PHF21B: variants seen among roughly 807,000 people sequenced by gnomAD.
PHF21B encodes PHD finger protein 21B.
Under a neutral mutation model 62.2 loss-of-function variants are expected in PHF21B, and 22 were observed. The observed-to-expected ratio is 0.35, with a 90% CI of 0.25 to 0.51. The LOEUF is 0.51. Ranked by LOEUF, PHF21B falls within the 20% of genes least tolerant of loss-of-function variation. PHF21B has a pLI of 0.97. For missense variants in PHF21B, 701 were observed against 707.9 expected, an observed-to-expected ratio of 0.99 and a Z score of 0.11; for synonymous variants, 341 against 314.7, an observed-to-expected ratio of 1.08 and a Z score of -0.88.
chr22:44,926,845 CG>C (rs1319574461), intron 2 of PHF21B, among the ~76,000 whole-genome samples: 2 of 152,046 alleles, frequency 1.3e-5, no homozygotes, highest in East Asian at 1.9e-4. Flanking sequence ...CCATGTGGGC[CG>C]GGAGTGACCG....
intron 5 of PHF21B, among the ~76,000 whole-genome samples, chr22:44,910,801 C>T (rs2071331598): frequency 1.3e-5 from 2 of 152,162 alleles, no homozygotes; most frequent in Admixed American, 1.3e-4. Flanking sequence ...TGGGATGTTG[C>T]TGAAAAGATA....
At chr22:44,955,139 T>C (rs2072270610) in intron 2 of PHF21B, among the ~76,000 whole-genome samples, 1 of 152,118 alleles carries the variant, frequency 6.6e-6, no homozygotes, top group Non-Finnish European at 1.5e-5. Context: ...ATGCTGTGTC[T>C]CCCAGAGTCC....
chr22:44,896,623 TTAA>T (rs1569213103), intron 5 of PHF21B, among the ~76,000 whole-genome samples: 3 of 152,226 alleles, frequency 2.0e-5, no homozygotes, highest in Non-Finnish European at 4.4e-5. Context: ...TTCATTTTAT[TTAA>T]TAATAAATTG....
chr22:44,974,252 T>C (rs1183967280), intron 2 of PHF21B, among the ~76,000 whole-genome samples: 2 of 151,788 alleles, frequency 1.3e-5, no homozygotes, highest in South Asian at 2.1e-4. Context: ...CTGTCTCTAC[T>C]AAAATATAAA....
chr22:44,959,008 C>T (rs563423610), intron 2 of PHF21B, among the ~76,000 whole-genome samples: 33 of 152,012 alleles, frequency 2.2e-4, no homozygotes, highest in Admixed American at 1.7e-3. Context: ...TGGCCGGCCC[C>T]GCTGGAGCGC....
Position 44,920,482 on chromosome 22 carries a change from T to C in PHF21B, c.129A>G (p.Gly43=), listed in dbSNP as rs1198680371. Residue 43 remains glycine (G), a synonymous_variant, in exon 3 of 13, where the codon GGA becomes GGG. Coordinates refer to ENST00000313237, the MANE Select transcript of PHF21B (RefSeq NM_138415.5). ...CCGTGACAGGCACTGCAGTGATCGTTCCCAAAGCCTGAAACATACAGGAGG... is the reference window on the plus strand; with the variant it reads ...CCGTGACAGGCACTGCAGTGATCGTCCCCAAAGCCTGAAACATACAGGAGG... ...IAALSDKQAL[G]TITAVPVTGP... 6.2e-7 allele frequency: 1 copy of C among 1,610,492 alleles called. No individual in the cohort carries two copies.
At chr22:44,990,914 C>T (rs914246486) in intron 2 of PHF21B, among the ~76,000 whole-genome samples, 3 of 152,162 alleles carry the variant, frequency 2.0e-5, no homozygotes, top group African/African-American at 4.8e-5. Context: ...AGGCAGGAGT[C>T]GCTAACTGCG....
At chr22:44,933,750 CAGAGAGACAG>C (rs1569237719) in intron 2 of PHF21B, among the ~76,000 whole-genome samples, 4 of 151,848 alleles carry the variant, frequency 2.6e-5, no homozygotes, top group Non-Finnish European at 5.9e-5. Flanking sequence ...GACAGACAGA[CAGAGAGACAG>C]AGACAGAGAG....
At chr22:44,942,819 G>A (rs1476778201) in intron 2 of PHF21B, among the ~76,000 whole-genome samples, 2 of 152,182 alleles carry the variant, frequency 1.3e-5, no homozygotes, top group Admixed American at 1.3e-4. Flanking sequence ...TGGTTCAGCA[G>A]CAAACCCTTG....
chr22:44,997,240 G>A (rs970579091), intron 2 of PHF21B, among the ~76,000 whole-genome samples: 1 of 152,166 alleles, frequency 6.6e-6, no homozygotes, highest in African/African-American at 2.4e-5. Flanking sequence ...GCTCCTGCTT[G>A]GAGATGGCAG....
chr22:44,930,121 G>A (rs765617864), intron 2 of PHF21B, among the ~76,000 whole-genome samples: 8 of 152,228 alleles, frequency 5.3e-5, no homozygotes, highest in Admixed American at 2.0e-4. Context: ...GAGCACCTGC[G>A]TCTGCGCACA....
Position 44,885,936 on chromosome 22 carries a change from G to C in PHF21B, c.1200C>G (p.Ala400=). 1 of 1,614,002 alleles carries C rather than the reference G, an allele frequency of 6.2e-7. No homozygotes were observed. Among genetic ancestry groups the C allele is most frequent in the Admixed American group, 1.7e-5 (1 of 60,006 alleles). The change falls in exon 11 of 13, where the codon GCC becomes GCG. Residue 400 remains alanine (A), a splice_region_variant and synonymous_variant. Coordinates refer to ENST00000313237, the MANE Select transcript of PHF21B (RefSeq NM_138415.5). ...VWVCPRCQQK[A]LKKDEGVPWT... Reference sequence around the variant, plus strand: ...AGGGCACACCCTCGTCTTTCTTTAAGGCCTGGGGAGCAGACGGGGAGATGA... The same window carrying C: ...AGGGCACACCCTCGTCTTTCTTTAACGCCTGGGGAGCAGACGGGGAGATGA...
chr22:44,945,110 G>A (rs2072040570), intron 2 of PHF21B, among the ~76,000 whole-genome samples: 1 of 152,216 alleles, frequency 6.6e-6, no homozygotes, highest in Non-Finnish European at 1.5e-5. Context: ...TGAAAACGAG[G>A]TTTGCTTCTC....
intron 2 of PHF21B, among the ~76,000 whole-genome samples, chr22:44,967,422 C>T (rs955845683): frequency 6.6e-6 from 1 of 152,032 alleles, no homozygotes; most frequent in Non-Finnish European, 1.5e-5. Flanking sequence ...GGGGTTTCAC[C>T]GTGTTAGCCA....
rs144043506 is a variant in PHF21B, at chr22:44,916,500, G to A, written c.344C>T (p.Thr115Ile). Residue 115 changes from threonine to isoleucine, a missense_variant, in exon 4 of 13, where the codon ACC becomes ATC. Transcript: ENST00000313237. ...CACATGGCTGACAGTGTTGTTGGCG[G>A]TGGGGAGGGCTGGGCTGGGGTTCTT... ...SVKNPSPALP[T>I]ANNTVSHVPA... 3.3e-5 allele frequency: 53 copies of A among 1,608,684 alleles called. No individual in the cohort carries two copies. In the African/African-American group the frequency reaches 6.5e-4, roughly 20 times the overall value.
chr22:45,002,623 A>C (rs1290857681), intron 2 of PHF21B, among the ~76,000 whole-genome samples: 1 of 152,178 alleles, frequency 6.6e-6, no homozygotes, highest in Admixed American at 6.5e-5. Context: ...GCACTTGGGG[A>C]ACCCAGGCAT....
At chr22:44,988,269 A>G (rs900343530) in intron 2 of PHF21B, among the ~76,000 whole-genome samples, 10 of 152,170 alleles carry the variant, frequency 6.6e-5, no homozygotes, top group African/African-American at 2.4e-4. Context: ...GTTCAAGATC[A>G]TGACCTGGGC....
intron 7 of PHF21B, among the ~76,000 whole-genome samples, chr22:44,892,116 C>G (rs2070976880): frequency 6.6e-6 from 1 of 152,226 alleles, no homozygotes; most frequent in Admixed American, 6.5e-5. Flanking sequence ...ACACAGCAGC[C>G]TGCATTTTCA....
chr22:44,883,034 G>A lies in PHF21B; in HGVS notation c.*52C>T, dbSNP rs372383030. ...AAGGCCGACAGAACCCCCAGGCTGTGTAAGCAGGGTCCCAATAACTTTCCG... is the reference window on the plus strand; with the variant it reads ...AAGGCCGACAGAACCCCCAGGCTGTATAAGCAGGGTCCCAATAACTTTCCG... On this transcript the variant is annotated 3_prime_UTR_variant, in exon 13 of 13. Transcript: ENST00000313237. 5.2e-5 allele frequency: 80 copies of A among 1,538,564 alleles called. 1 individual carries two copies. In the East Asian group the frequency reaches 7.5e-4, roughly 14 times the overall value.
Sources: allele counts gnomAD v4.1 joint callset (sites outside exome capture counted in the v4.1 genomes callset), GRCh38; gene constraint gnomAD v4.1.1; transcripts MANE v1.5; gene names NCBI Gene and HGNC (gene_info 2026-07-23, HGNC 2026-07-21).